The following MAF variants were observed in gnomAD, a reference collection of about 807,000 sequenced individuals.
MAF encodes MAF bZIP transcription factor, also known as transcription factor Maf.
In MAF, 10 loss-of-function variants were observed where a neutral mutation model predicts 22.0. The observed-to-expected ratio is 0.45, with a 90% confidence interval of 0.28 to 0.77. The LOEUF (loss-of-function observed/expected upper bound fraction) is 0.77. MAF is among the 30% of genes least tolerant of loss of function. MAF has a pLI of 0.12. For synonymous variants in MAF, 337 were observed against 255.8 expected (o/e 1.32, Z -3.03); for missense variants, 544 against 548.4 (o/e 0.99, Z 0.08).
the MAF span, among the ~76,000 whole-genome samples, chr16:79,401,036 T>C: frequency 6.6e-6 from 1 of 152,174 alleles, no homozygotes; most frequent in Admixed American, 6.5e-5. Context: ...TTGGCCTTGT[T>C]CTCAAGAACT....
chr16:79,294,578 G>C, the MAF span, among the ~76,000 whole-genome samples: 1 of 152,158 alleles, frequency 6.6e-6, no homozygotes, highest in African/African-American at 2.4e-5. Context: ...ATTTACGTAG[G>C]TATACTATTA....
the MAF span, among the ~76,000 whole-genome samples, chr16:79,484,476 G>T: frequency 3.9e-5 from 6 of 152,234 alleles, no homozygotes; most frequent in Non-Finnish European, 5.9e-5. Context: ...CAATCACAGG[G>T]CTGAGTCCTT....
At chr16:79,343,361 G>A in the MAF span, among the ~76,000 whole-genome samples, 2 of 152,120 alleles carry the variant, frequency 1.3e-5, no homozygotes, top group Non-Finnish European at 2.9e-5. Context: ...CATCTAGACT[G>A]TGAATGACCT....
the MAF span, among the ~76,000 whole-genome samples, chr16:79,373,594 G>T: frequency 6.6e-6 from 1 of 151,712 alleles, no homozygotes; most frequent in Non-Finnish European, 1.5e-5. Flanking sequence ...TGTTGGCTAG[G>T]CTGGTCTCAA....
At chr16:79,495,681 T>G in the MAF span, among the ~76,000 whole-genome samples, 1 of 152,214 alleles carries the variant, frequency 6.6e-6, no homozygotes, top group Non-Finnish European at 1.5e-5. Context: ...TCCTAGTTTT[T>G]ATACTATCTC....
chr16:79,235,279 G>C, the MAF span, among the ~76,000 whole-genome samples: 228 of 152,152 alleles, frequency 1.5e-3, 5 homozygotes, highest in Admixed American at 2.7e-3. Context: ...AAGCTCAAAA[G>C]AGAAGTCACA....
At chr16:79,457,809 T>A in the MAF span, among the ~76,000 whole-genome samples, 2 of 152,090 alleles carry the variant, frequency 1.3e-5, no homozygotes, top group African/African-American at 4.8e-5. Context: ...GTATCTTTCA[T>A]CAGGACCTGA....
chr16:79,444,960 T>C, the MAF span, among the ~76,000 whole-genome samples: 1 of 152,004 alleles, frequency 6.6e-6, no homozygotes, highest in African/African-American at 2.4e-5. Context: ...TATGTGAGAG[T>C]GGAGTTCAGT....
At chr16:79,544,761 A>T in the MAF span, among the ~76,000 whole-genome samples, 2 of 128,460 alleles carry the variant, frequency 1.6e-5, no homozygotes, top group South Asian at 2.9e-4. Flanking sequence ...CGACAGAGCA[A>T]GGCTCTGTCT....
At chr16:79,496,975 G>C in the MAF span, among the ~76,000 whole-genome samples, 62 of 152,070 alleles carry the variant, frequency 4.1e-4, no homozygotes, top group Admixed American at 4.1e-3. Flanking sequence ...TCTTGGTTGA[G>C]GCAGAAACTT....
intron 1 of MAF, chr16:79,595,833 CAT>C: frequency 9.5e-7 from 1 of 1,058,068 alleles, no homozygotes; most frequent in South Asian, 4.6e-5. Context: ...GATTTGATAA[CAT>C]AGTTTAAACC....
the MAF span, among the ~76,000 whole-genome samples, chr16:79,302,640 T>A: frequency 1.3e-5 from 2 of 152,234 alleles, no homozygotes; most frequent in African/African-American, 4.8e-5. Context: ...GAATGTGGCT[T>A]CTATGTTTTC....
chr16:79,274,077 C>G, the MAF span, among the ~76,000 whole-genome samples: 2 of 151,488 alleles, frequency 1.3e-5, no homozygotes. Flanking sequence ...GCCTCAGCCT[C>G]CCGAGTAGCT....
the MAF span, among the ~76,000 whole-genome samples, chr16:79,470,242 C>T: frequency 6.6e-6 from 1 of 152,228 alleles, no homozygotes; most frequent in Non-Finnish European, 1.5e-5. Flanking sequence ...ATGTCCCTTT[C>T]CTTTGTCCTC....
chr16:79,255,502 A>C, the MAF span, among the ~76,000 whole-genome samples: 1 of 152,234 alleles, frequency 6.6e-6, no homozygotes, highest in Non-Finnish European at 1.5e-5. Context: ...CCATGCTTTT[A>C]TATTTAGGCA....
In MAF at chr16:79,596,085, G is replaced by C. The variant is rs138558992; in HGVS notation, c.1119-1532C>G. Reference sequence around the variant, plus strand: ...TTTCTCTTTACCGTTCAATGCATATGTGCGCAAGCCACCTCTGATGCGCCA... The same window carrying C: ...TTTCTCTTTACCGTTCAATGCATATCTGCGCAAGCCACCTCTGATGCGCCA... On this transcript the variant is annotated intron_variant, in intron 1 of 1. Coordinates refer to ENST00000326043, the MANE Select transcript of MAF (RefSeq NM_005360.5). 3 of 1,062,428 alleles carry C rather than the reference G, an allele frequency of 2.8e-6. No individual in the cohort carries two copies. The South Asian group carries it at 1.4e-4, about 48-fold the overall frequency. 65.8% of individuals were successfully genotyped at this position (1,062,428 alleles called of 1,614,324 possible).
the MAF span, among the ~76,000 whole-genome samples, chr16:79,535,990 C>A: frequency 6.6e-6 from 1 of 152,204 alleles, no homozygotes; most frequent in Admixed American, 6.5e-5. Flanking sequence ...CCACAGTTGG[C>A]AGTATTTATA....
At chr16:79,225,246 A>T in the MAF span, among the ~76,000 whole-genome samples, 1 of 152,230 alleles carries the variant, frequency 6.6e-6, no homozygotes, top group Non-Finnish European at 1.5e-5. Context: ...AACTTGAGAA[A>T]AACAAGCAAT....
the MAF span, among the ~76,000 whole-genome samples, chr16:79,404,186 A>G: frequency 4.3e-5 from 5 of 116,192 alleles, no homozygotes; most frequent in African/African-American, 2.0e-4. Flanking sequence ...TTTTTTTCAG[A>G]TGGAGTCTCA....
Sources: allele counts gnomAD v4.1 joint callset (sites outside exome capture counted in the v4.1 genomes callset), GRCh38; gene constraint gnomAD v4.1.1; transcripts MANE v1.5; gene names NCBI Gene and HGNC (gene_info 2026-07-23, HGNC 2026-07-21).